COL4A6: variants seen among roughly 807,000 people sequenced by gnomAD.
The protein encoded by COL4A6 is collagen type IV alpha 6 chain.
A neutral mutation model predicts 126.7 loss-of-function variants in COL4A6; 59 were observed. That is an observed-to-expected ratio of 0.47 (90% CI 0.38 to 0.58). The LOEUF (loss-of-function observed/expected upper bound fraction) is 0.58, where lower values mean the gene tolerates loss of function less well. Among genes scored for constraint, COL4A6 ranks in the 20% least tolerant of loss-of-function variants. The pLI, the probability that COL4A6 is intolerant of heterozygous loss-of-function variation, is 0.00. For synonymous variants in COL4A6, 547 were observed against 496.6 expected (o/e 1.10, Z -1.35); for missense variants, 1,285 against 1,337.3 (o/e 0.96, Z 0.61).
chrX:108,180,559 C>T lies in COL4A6; in HGVS notation c.2087G>A (p.Gly696Glu). ...PGQPGSSGSK[G>E]EPGSPGLVHL... ...AACCAATCCTGGACTCCCTGGCTCT[C>T]CTTTACTTCCACTTGACCCAGGCTG... The change falls in exon 25 of 45, where the codon GGA (glycine) becomes GAA (glutamate). Residue 696 changes from glycine to glutamate, a missense_variant. Gly to Glu is a moderately conservative substitution (Grantham distance 98). Transcript: ENST00000334504. 1 of 1,208,447 alleles carries T rather than the reference C, an allele frequency of 8.3e-7. No individual in the cohort carries two copies. The highest frequency in any genetic ancestry group is 1.1e-6 in the Non-Finnish European group (1 of 894,554).
intron 3 of COL4A6, among the ~76,000 whole-genome samples, chrX:108,266,943 A>G (rs983766286): frequency 9.8e-5 from 11 of 112,052 alleles, no homozygotes. Flanking sequence ...ATAACAAATT[A>G]TCACAAACCT....
chrX:108,183,329 G>A (rs775421419), intron 23 of COL4A6, among the ~76,000 whole-genome samples: 2 of 112,166 alleles, frequency 1.8e-5, no homozygotes, highest in East Asian at 5.6e-4. Context: ...ATCCCAATTT[G>A]TTCTGGGCCC....
intron 2 of COL4A6, among the ~76,000 whole-genome samples, chrX:108,345,295 T>C (rs923469167): frequency 8.9e-6 from 1 of 111,739 alleles, no homozygotes; most frequent in Non-Finnish European, 1.9e-5. Context: ...CCACTCATCA[T>C]CCATAAATGA....
At position 108,417,876 on chromosome X, in the gene COL4A6, C is replaced by G. The variant is rs1170337758; in HGVS notation, c.63+20066G>C. On this transcript the variant is annotated intron_variant, in intron 2 of 44. Coordinates refer to ENST00000334504, the MANE Select transcript of COL4A6 (RefSeq NM_033641.4). ...GGAACTCTAGAATGGATTCATGAAC[C>G]TATTTGAGAAACACTGACATAAGAA... Among the ~76,000 whole-genome samples, 4 of 111,489 alleles carry G rather than the reference C, an allele frequency of 3.6e-5. No homozygotes were observed. The Admixed American group carries it at 3.8e-4, about 11-fold the overall frequency.
chrX:108,216,077 C>A (rs1241352979), intron 5 of COL4A6, among the ~76,000 whole-genome samples: 1 of 112,006 alleles, frequency 8.9e-6, no homozygotes, highest in South Asian at 3.7e-4. Context: ...CTGTTTGACA[C>A]CAAAACCTTT....
intron 2 of COL4A6, among the ~76,000 whole-genome samples, chrX:108,322,024 G>C (rs1325045044): frequency 9.0e-6 from 1 of 111,420 alleles, no homozygotes; most frequent in Non-Finnish European, 1.9e-5. Flanking sequence ...CAAAATCTTA[G>C]AGCTCTTCCC....
intron 3 of COL4A6, among the ~76,000 whole-genome samples, chrX:108,271,967 A>C (rs994474037): frequency 8.9e-6 from 1 of 112,129 alleles, no homozygotes; most frequent in Non-Finnish European, 1.9e-5. Context: ...AAAGCTAATT[A>C]ACCAGTTTAC....
intron 2 of COL4A6, among the ~76,000 whole-genome samples, chrX:108,405,448 G>T (rs948640525): frequency 6.3e-5 from 7 of 111,026 alleles, no homozygotes. Context: ...GCCTCCCAAA[G>T]TGCTGGTATT....
intron 16 of COL4A6, 130 bp downstream of exon 16, chrX:108,194,404 A>T: frequency 1.6e-6 from 1 of 626,632 alleles, no homozygotes. Context: ...AGCAGATTAC[A>T]TGCATTTCTT....
At chrX:108,164,521 G>T in intron 40 of COL4A6, 79 bp downstream of exon 40, 1 of 925,493 alleles carries the variant, frequency 1.1e-6, no homozygotes. Context: ...GGCGTGGTGA[G>T]CAATGATGCC....
intron 2 of COL4A6, among the ~76,000 whole-genome samples, chrX:108,345,304 G>T (rs1390544226): frequency 9.0e-6 from 1 of 111,441 alleles, no homozygotes; most frequent in Non-Finnish European, 1.9e-5. Flanking sequence ...ATCCATAAAT[G>T]AAACAAAATT....
chrX:108,347,264 G>A (rs140063792), intron 2 of COL4A6, among the ~76,000 whole-genome samples: 3 of 111,935 alleles, frequency 2.7e-5, no homozygotes, highest in Middle Eastern at 4.6e-3. Context: ...GGAGGAAAGC[G>A]GAGTACCCAA....
At chrX:108,414,460 G>A (rs2041393408) in intron 2 of COL4A6, among the ~76,000 whole-genome samples, 1 of 110,417 alleles carries the variant, frequency 9.1e-6, no homozygotes, top group African/African-American at 3.3e-5. Context: ...TCAAAATCCT[G>A]CTCTTCTCTC....
chrX:108,204,533 C>T (rs759005404), intron 11 of COL4A6, 121 bp from the exon 12 acceptor site: 4 of 618,187 alleles, frequency 6.5e-6, no homozygotes. Flanking sequence ...GCCTCTTCAC[C>T]CTCATGCCAA....
At chrX:108,370,434 A>T (rs763788461) in intron 2 of COL4A6, among the ~76,000 whole-genome samples, 5 of 111,546 alleles carry the variant, frequency 4.5e-5, no homozygotes, top group Admixed American at 9.6e-5. Flanking sequence ...GATCCCTGTC[A>T]TATCATGTCC....
chrX:108,256,794 T>C (rs998002332), intron 3 of COL4A6, among the ~76,000 whole-genome samples: 1 of 111,362 alleles, frequency 9.0e-6, no homozygotes, highest in African/African-American at 3.3e-5. Context: ...GAGTTTCTTA[T>C]TCAAATTTGA....
At chrX:108,383,255 A>T (rs1417050272) in intron 2 of COL4A6, 3 of 152,963 alleles carry the variant, frequency 2.0e-5, no homozygotes, top group African/African-American at 9.5e-5. Flanking sequence ...GACATAATTG[A>T]CTTTAAAACA....
chrX:108,364,105 C>G lies in COL4A6; in HGVS notation c.64-53277G>C, dbSNP rs184090393. On this transcript the variant is annotated intron_variant, in intron 2 of 44. Coordinates refer to ENST00000334504, the MANE Select transcript of COL4A6 (RefSeq NM_033641.4). Reference sequence around the variant, plus strand: ...CAGGCTGATCTTGAACTCCTGTCCTCAAGTGATCTGCTCATCCAGGGCTCC... The same window carrying G: ...CAGGCTGATCTTGAACTCCTGTCCTGAAGTGATCTGCTCATCCAGGGCTCC... Among the ~76,000 whole-genome samples the G allele has an allele frequency of 4.5e-5, 5 of 110,850 alleles. No homozygotes were observed. In the East Asian group the frequency reaches 1.4e-3, roughly 32 times the overall value.
At chrX:108,264,879 C>T (rs1224790536) in intron 3 of COL4A6, among the ~76,000 whole-genome samples, 1 of 111,399 alleles carries the variant, frequency 9.0e-6, no homozygotes, top group Non-Finnish European at 1.9e-5. Context: ...GAACAAGCAG[C>T]CTAGAATTAA....
Sources: gnomAD v4.1 joint callset for allele counts (sites outside exome capture counted in the v4.1 genomes callset) on GRCh38, gnomAD v4.1.1 for gene constraint, MANE v1.5 for transcripts, NCBI Gene and HGNC (gene_info 2026-07-23, HGNC 2026-07-21) for gene names.